PTPRG: variants seen among roughly 807,000 people sequenced by gnomAD.
The protein encoded by PTPRG is receptor-type tyrosine-protein phosphatase gamma.
A neutral mutation model predicts 165.3 loss-of-function variants in PTPRG; 102 were observed. That is an observed-to-expected ratio of 0.62 (90% confidence interval 0.53 to 0.73). PTPRG has a LOEUF of 0.73. Ranked by LOEUF, PTPRG falls within the 30% of genes least tolerant of loss-of-function variation. PTPRG has a pLI of 0.00. For missense variants in PTPRG, 1,866 were observed against 1,861.4 expected (o/e 1.00, Z -0.05); for synonymous variants, 675 against 669.5 (o/e 1.01, Z -0.13).
chr3:61,901,508 C>G (rs893787868), intron 2 of PTPRG, among the ~76,000 whole-genome samples: 2 of 152,226 alleles, frequency 1.3e-5, no homozygotes, highest in Non-Finnish European at 2.9e-5. Context: ...TGTACTGTTT[C>G]AGTTCCCTTG....
rs528782069 is a variant in PTPRG, at chr3:62,167,430, G to A, written c.841-541G>A. Among the ~76,000 whole-genome samples, 6 of 152,208 alleles carry A rather than the reference G, an allele frequency of 3.9e-5. No homozygotes were observed. The South Asian group carries it at 1.2e-3, about 32-fold the overall frequency. The stretch of plus-strand genomic sequence containing the variant: ...AGGAACTGTTTTAAGCACTGTACTT[G>A]GTTTAAATATTTTGTCAGCACTTAA... On this transcript the variant is annotated intron_variant, in intron 7 of 29. Coordinates refer to ENST00000474889, the MANE Select transcript of PTPRG (RefSeq NM_002841.4).
chr3:61,843,542 A>G (rs771882402), intron 2 of PTPRG, among the ~76,000 whole-genome samples: 8 of 152,194 alleles, frequency 5.3e-5, no homozygotes, highest in Non-Finnish European at 1.0e-4. Flanking sequence ...AGAAGTTAAA[A>G]TGATGACTTA....
intron 2 of PTPRG, among the ~76,000 whole-genome samples, chr3:61,869,582 C>A (rs1261085544): frequency 6.6e-6 from 1 of 151,582 alleles, no homozygotes; most frequent in East Asian, 2.0e-4. Flanking sequence ...CCCTCCCCTC[C>A]CTTCACCTCT....
intron 1 of PTPRG, among the ~76,000 whole-genome samples, chr3:61,595,903 A>G (rs755492110): frequency 6.6e-6 from 1 of 152,194 alleles, no homozygotes; most frequent in Non-Finnish European, 1.5e-5. Flanking sequence ...TGTTAGTACC[A>G]TTGTGTTTTT....
chr3:61,622,096 C>G (rs1407053774), intron 1 of PTPRG, among the ~76,000 whole-genome samples: 1 of 152,180 alleles, frequency 6.6e-6, no homozygotes, highest in Non-Finnish European at 1.5e-5. Flanking sequence ...CTTAGGTGTT[C>G]TTTTACTTTC....
intron 1 of PTPRG, among the ~76,000 whole-genome samples, chr3:61,600,801 A>G (rs914521870): frequency 2.0e-5 from 3 of 152,152 alleles, no homozygotes; most frequent in African/African-American, 4.8e-5. Context: ...TCGGTGTCCC[A>G]AAGTGCTGGG....
chr3:61,925,442 C>T (rs1313159753), intron 2 of PTPRG, among the ~76,000 whole-genome samples: 1 of 152,164 alleles, frequency 6.6e-6, no homozygotes, highest in Non-Finnish European at 1.5e-5. Flanking sequence ...GCAAACTTCT[C>T]CTTAAAAATC....
intron 1 of PTPRG, among the ~76,000 whole-genome samples, chr3:61,618,190 C>A (rs537876285): frequency 3.3e-5 from 5 of 152,112 alleles, no homozygotes; most frequent in Admixed American, 3.3e-4. Context: ...TGAAAGATGG[C>A]AGGCTTAAAA....
chr3:61,978,198 A>T (rs879872165), intron 2 of PTPRG, among the ~76,000 whole-genome samples: 5 of 152,136 alleles, frequency 3.3e-5, no homozygotes, highest in Non-Finnish European at 7.4e-5. Flanking sequence ...CGTACTAGAG[A>T]ACTTTTACTT....
chr3:61,566,295 A>G (rs984766060), intron 1 of PTPRG, among the ~76,000 whole-genome samples: 1 of 152,266 alleles, frequency 6.6e-6, no homozygotes, highest in South Asian at 2.1e-4. Flanking sequence ...CGATCCAGCG[A>G]ATGCTGATGA....
chr3:61,899,532 G>T (rs543848430), intron 2 of PTPRG, among the ~76,000 whole-genome samples: 1 of 152,200 alleles, frequency 6.6e-6, no homozygotes, highest in African/African-American at 2.4e-5. Flanking sequence ...TTCTGCTTTG[G>T]TGTCATTTCA....
chr3:61,613,444 A>T (rs772814918), intron 1 of PTPRG, among the ~76,000 whole-genome samples: 4 of 152,230 alleles, frequency 2.6e-5, no homozygotes, highest in Non-Finnish European at 5.9e-5. Flanking sequence ...AAAGAAAGAC[A>T]TGCAGGGGTG....
intron 5 of PTPRG, among the ~76,000 whole-genome samples, chr3:62,130,637 C>A (rs939327330): frequency 5.9e-5 from 9 of 152,140 alleles, no homozygotes; most frequent in African/African-American, 1.9e-4. Flanking sequence ...TTATTTTATT[C>A]TATTCTGGCC....
Position 62,273,219 on chromosome 3 carries a change from C to A in PTPRG, c.3318+138C>A. 1 of 989,386 alleles carries A rather than the reference C, an allele frequency of 1.0e-6. No homozygotes were observed. The highest frequency in any genetic ancestry group is 1.4e-6 in the Non-Finnish European group (1 of 702,008). The allele number at this position is 989,386 out of a possible 1,614,324, so 61.3% of individuals were successfully genotyped here. ...AGGTTTGTATTAGAAGATATTCTGA[C>A]AATGATCCTATTCTACGGATCACAG... is the stretch of plus-strand genomic sequence containing the variant. On this transcript the variant is annotated intron_variant, in intron 22 of 29. Coordinates refer to ENST00000474889, the MANE Select transcript of PTPRG (RefSeq NM_002841.4). The surrounding 1 kb of genome is among the most constrained non-coding windows in gnomAD (Gnocchi z 4.1).
chr3:61,652,073 G>T (rs989101739), intron 1 of PTPRG, among the ~76,000 whole-genome samples: 1 of 151,786 alleles, frequency 6.6e-6, no homozygotes, highest in African/African-American at 2.4e-5. Context: ...ATTTTGGGAG[G>T]CTGAGGCAGG....
intron 1 of PTPRG, among the ~76,000 whole-genome samples, chr3:61,616,644 A>G (rs1009984231): frequency 1.3e-5 from 2 of 152,316 alleles, no homozygotes; most frequent in African/African-American, 2.4e-5. Flanking sequence ...CCTTCTGGAC[A>G]GACGGTACTC....
At chr3:61,806,865 G>A (rs1267586989) in intron 2 of PTPRG, among the ~76,000 whole-genome samples, 1 of 152,138 alleles carries the variant, frequency 6.6e-6, no homozygotes, top group Non-Finnish European at 1.5e-5. Context: ...TTCATACTCC[G>A]TGGCTTGTGT....
intron 4 of PTPRG, among the ~76,000 whole-genome samples, chr3:62,008,762 C>G (rs185762995): frequency 8.1e-4 from 124 of 152,308 alleles, no homozygotes; most frequent in African/African-American, 2.9e-3. Context: ...AAGGAGCATG[C>G]AGCCTAGATC....
At chr3:61,593,875 T>G (rs1213895897) in intron 1 of PTPRG, among the ~76,000 whole-genome samples, 1 of 152,258 alleles carries the variant, frequency 6.6e-6, no homozygotes, top group South Asian at 2.1e-4. Context: ...TTGAAGGCAA[T>G]TGGAAAGATA....
Sources: gnomAD v4.1 joint callset for allele counts (sites outside exome capture counted in the v4.1 genomes callset) on GRCh38, gnomAD v4.1.1 for gene constraint, Gnocchi (gnomAD v3.1) non-coding constraint, MANE v1.5 for transcripts, NCBI Gene and HGNC (gene_info 2026-07-23, HGNC 2026-07-21) for gene names.